RANBP2: variants seen among roughly 807,000 people sequenced by gnomAD.
The protein encoded by RANBP2 is E3 SUMO-protein ligase RanBP2.
In RANBP2, 57 loss-of-function variants were observed where a neutral mutation model predicts 303.6. That is an observed-to-expected ratio of 0.19 (90% CI 0.15 to 0.23). RANBP2 has a LOEUF of 0.23. Ranked by LOEUF, RANBP2 falls within the 10% of genes least tolerant of loss-of-function variation. The probability of loss-of-function intolerance (pLI) is 1.00; values close to 1 mark genes in which losing one functional copy is unlikely to be tolerated. For missense variants in RANBP2, 3,138 were observed against 3,780.8 expected (o/e 0.83, Z 4.46); for synonymous variants, 1,167 against 1,301.5 (o/e 0.90, Z 2.23).
the RANBP2 span, among the ~76,000 whole-genome samples, chr2:108,971,064 C>A: frequency 6.6e-6 from 1 of 152,162 alleles, no homozygotes; most frequent in Non-Finnish European, 1.5e-5. Flanking sequence ...TCACAGGGTC[C>A]GGCGAGACCG....
the RANBP2 span, among the ~76,000 whole-genome samples, chr2:109,317,114 A>G: frequency 6.6e-6 from 1 of 151,846 alleles, no homozygotes; most frequent in Admixed American, 6.6e-5. Context: ...CTAAACTTTC[A>G]TGAGTGGGTT....
intron 1 of RANBP2, among the ~76,000 whole-genome samples, chr2:108,724,393 G>A (rs1454155866): frequency 6.6e-6 from 1 of 152,062 alleles, no homozygotes; most frequent in Non-Finnish European, 1.5e-5. Context: ...GAAACTAATG[G>A]TATGTCTTTA....
At chr2:109,372,058 G>A in the RANBP2 span, among the ~76,000 whole-genome samples, 2,009 of 152,300 alleles carry the variant, frequency 0.013, 21 homozygotes, top group Non-Finnish European at 0.024. Flanking sequence ...GGAAGAACCC[G>A]TCCCAAGGCA....
chr2:109,430,077 G>A, the RANBP2 span, among the ~76,000 whole-genome samples: 9 of 152,172 alleles, frequency 5.9e-5, no homozygotes, highest in Admixed American at 2.0e-4. Context: ...CAGCTAGGGC[G>A]TGTTCTGAGC....
At chr2:109,559,274 T>A in the RANBP2 span, among the ~76,000 whole-genome samples, 1 of 152,210 alleles carries the variant, frequency 6.6e-6, no homozygotes, top group South Asian at 2.1e-4. Context: ...AATCATTTAA[T>A]CACATATGAC....
At chr2:109,532,991 C>A in the RANBP2 span, among the ~76,000 whole-genome samples, 1 of 152,088 alleles carries the variant, frequency 6.6e-6, no homozygotes, top group Non-Finnish European at 1.5e-5. Flanking sequence ...CAGCAGTGAA[C>A]AAGGCAGATA....
the RANBP2 span, among the ~76,000 whole-genome samples, chr2:109,254,234 G>A: frequency 6.6e-6 from 1 of 152,110 alleles, no homozygotes; most frequent in Non-Finnish European, 1.5e-5. Flanking sequence ...TTGGATGTCT[G>A]ACCTGAGGAC....
the RANBP2 span, among the ~76,000 whole-genome samples, chr2:109,078,098 A>ATATATATATATATATATATAGAG: frequency 1.7e-5 from 1 of 60,068 alleles, no homozygotes; most frequent in African/African-American, 8.6e-5. Context: ...ATATATATAT[A>ATATATATATATATATATATAGAG]TATATATATA....
chr2:108,910,378 A>T, the RANBP2 span: 1 of 1,137,334 alleles, frequency 8.8e-7, no homozygotes, highest in Non-Finnish European at 1.3e-6. Flanking sequence ...CTGTCAGTTC[A>T]CTCGGCTGCA....
the RANBP2 span, among the ~76,000 whole-genome samples, chr2:109,113,776 A>T: frequency 6.6e-6 from 1 of 152,162 alleles, no homozygotes; most frequent in East Asian, 1.9e-4. Context: ...TGGGTTTGTC[A>T]TAGATAGCTC....
chr2:109,298,201 T>C, the RANBP2 span, among the ~76,000 whole-genome samples: 2 of 151,766 alleles, frequency 1.3e-5, no homozygotes, highest in Admixed American at 1.3e-4. Context: ...AGTCACCAAA[T>C]AGATGCAGAG....
At chr2:109,652,460 C>T in the RANBP2 span, among the ~76,000 whole-genome samples, 4 of 152,144 alleles carry the variant, frequency 2.6e-5, no homozygotes, top group East Asian at 3.9e-4. Flanking sequence ...CTCCTGACTT[C>T]GTGATCCGCC....
At chr2:108,948,066 T>C in the RANBP2 span, among the ~76,000 whole-genome samples, 2 of 152,266 alleles carry the variant, frequency 1.3e-5, no homozygotes, top group African/African-American at 4.8e-5. Context: ...TTGAATGCTT[T>C]GCTATAGAAA....
the RANBP2 span, among the ~76,000 whole-genome samples, chr2:108,960,089 C>G: frequency 7.8e-3 from 1,192 of 152,280 alleles, 8 homozygotes; most frequent in South Asian, 0.029. Flanking sequence ...GCCTGTCCAC[C>G]CTGCACACCC....
At chr2:109,516,091 CA>C in the RANBP2 span, among the ~76,000 whole-genome samples, 4 of 152,214 alleles carry the variant, frequency 2.6e-5, no homozygotes, top group Admixed American at 2.6e-4. Context: ...GGTTATGATT[CA>C]GGGGTCTTCC....
At chr2:109,456,816 C>T in the RANBP2 span, among the ~76,000 whole-genome samples, 1 of 152,212 alleles carries the variant, frequency 6.6e-6, no homozygotes, top group Admixed American at 6.5e-5. Flanking sequence ...CCATGGTACC[C>T]ACAAGTGCCC....
chr2:109,163,521 C>CCCAAGTAGCT, the RANBP2 span, among the ~76,000 whole-genome samples: 259 of 148,822 alleles, frequency 1.7e-3, no homozygotes, highest in Middle Eastern at 3.5e-3. Flanking sequence ...GCCTCAGCCT[C>CCCAAGTAGCT]CCAAGTAGCT....
the RANBP2 span, among the ~76,000 whole-genome samples, chr2:109,560,302 G>A: frequency 6.6e-6 from 1 of 152,148 alleles, no homozygotes; most frequent in Non-Finnish European, 1.5e-5. Context: ...CTGTACTTGT[G>A]CAGCATAAAC....
the RANBP2 span, among the ~76,000 whole-genome samples, chr2:109,221,618 A>T: frequency 6.7e-6 from 1 of 149,494 alleles, no homozygotes; most frequent in African/African-American, 2.5e-5. Flanking sequence ...CATCTTCCTG[A>T]TGGTTAGTAA....
Sources: gnomAD v4.1 joint callset for allele counts (sites outside exome capture counted in the v4.1 genomes callset) on GRCh38, gnomAD v4.1.1 for gene constraint, MANE v1.5 for transcripts, NCBI Gene and HGNC (gene_info 2026-07-23, HGNC 2026-07-21) for gene names.